CNTLN: variants seen among roughly 807,000 people sequenced by gnomAD.
CNTLN encodes the protein centlein, centrosomal protein.
Under a neutral mutation model 180.0 loss-of-function variants are expected in CNTLN, and 212 were observed. The ratio of observed to expected loss-of-function variants is 1.18; its 90% CI spans 1.05 to 1.32. The LOEUF is 1.32. Ranked by LOEUF, CNTLN falls within the 40% of genes most tolerant of loss-of-function variation. The pLI is 0.00. For missense variants in CNTLN, 2,095 were observed against 1,610.9 expected (o/e 1.30, Z -5.14); for synonymous variants, 722 against 563.1 (o/e 1.28, Z -3.99).
At chr9:17,383,038 T>C (rs1564054313) in intron 13 of CNTLN, among the ~76,000 whole-genome samples, 3 of 152,228 alleles carry the variant, frequency 2.0e-5, no homozygotes, top group South Asian at 2.1e-4. Flanking sequence ...TCTTTAACAA[T>C]AGAACTGAGG....
chr9:17,142,396 G>C (rs1378596844), intron 1 of CNTLN, among the ~76,000 whole-genome samples: 1 of 152,142 alleles, frequency 6.6e-6, no homozygotes, highest in African/African-American at 2.4e-5. Flanking sequence ...TGAATAGATG[G>C]CAGTATCAAT....
Position 17,390,235 on chromosome 9 carries a change from C to CTTTTTTTTTTT in CNTLN, c.2079+1993_2079+2003dup, listed in dbSNP as rs35329298. The stretch of plus-strand genomic sequence containing the variant: ...TGTATTTCAGTTTTGAAAAGAGCCT[C>CTTTTTTTTTTT]TTTTTTTTTTTTTTTTTTTTTGGAG... On this transcript the variant is annotated intron_variant, in intron 14 of 25. Coordinates refer to ENST00000380647, the MANE Select transcript of CNTLN (RefSeq NM_017738.4). Among the ~76,000 whole-genome samples the CTTTTTTTTTTT allele has an allele frequency of 6.3e-4, 49 of 77,408 alleles. 4 individuals are homozygous for CTTTTTTTTTTT. The highest frequency in any genetic ancestry group is 2.1e-3 in the African/African-American group (44 of 20,578). 50.8% of individuals were successfully genotyped at this position (77,408 alleles called of 152,430 possible). A position where few individuals can be genotyped will look rare whatever the true frequency, so the allele number is the denominator to read the frequency against.
chr9:17,374,928 A>C (rs1824630547), intron 13 of CNTLN, among the ~76,000 whole-genome samples: 1 of 152,090 alleles, frequency 6.6e-6, no homozygotes, highest in African/African-American at 2.4e-5. Flanking sequence ...TTATATACCC[A>C]AAAGAAAGGA....
At chr9:17,451,088 G>T (rs1320307021) in intron 18 of CNTLN, among the ~76,000 whole-genome samples, 3 of 152,046 alleles carry the variant, frequency 2.0e-5, no homozygotes. Flanking sequence ...ACAGCATGCA[G>T]AATTTTATTT....
At chr9:17,485,960 T>G (rs545474735) in intron 24 of CNTLN, among the ~76,000 whole-genome samples, 1 of 152,258 alleles carries the variant, frequency 6.6e-6, no homozygotes, top group East Asian at 1.9e-4. Flanking sequence ...GTGACACCTC[T>G]GCCTCTGGGC....
At chr9:17,257,367 A>G (rs866688128) in intron 5 of CNTLN, among the ~76,000 whole-genome samples, 1,836 of 152,174 alleles carry the variant, frequency 0.012, 36 homozygotes, top group African/African-American at 0.042. Context: ...TTCTTAATCC[A>G]GTCTATCATT....
chr9:17,513,422 G>C, the CNTLN span, among the ~76,000 whole-genome samples: 1 of 152,136 alleles, frequency 6.6e-6, no homozygotes, highest in African/African-American at 2.4e-5. Flanking sequence ...CATGCTGGGT[G>C]CAGTGGCTCA....
chr9:17,237,396 CA>C (rs1563910352), intron 5 of CNTLN, among the ~76,000 whole-genome samples: 17 of 145,498 alleles, frequency 1.2e-4, no homozygotes, highest in African/African-American at 4.4e-4. Flanking sequence ...CACACACACA[CA>C]CACACACACG....
At chr9:17,511,116 C>A in the CNTLN span, among the ~76,000 whole-genome samples, 1 of 152,130 alleles carries the variant, frequency 6.6e-6, no homozygotes, top group South Asian at 2.1e-4. Flanking sequence ...TCCAGCTCCA[C>A]CATTCTCACC....
intron 13 of CNTLN, among the ~76,000 whole-genome samples, chr9:17,371,503 C>T (rs1439165672): frequency 1.3e-5 from 2 of 152,020 alleles, no homozygotes; most frequent in East Asian, 1.9e-4. Context: ...AAATGTAGAC[C>T]CTAATTCAAT....
chr9:17,505,524 C>A (rs755705848), downstream of CNTLN, among the ~76,000 whole-genome samples: 12 of 152,012 alleles, frequency 7.9e-5, no homozygotes, highest in Non-Finnish European at 1.2e-4. Flanking sequence ...ATTAAAAATA[C>A]AATACAATGT....
chr9:17,489,155 T>C (rs1479183537), intron 25 of CNTLN, among the ~76,000 whole-genome samples: 2 of 152,136 alleles, frequency 1.3e-5, no homozygotes, highest in Non-Finnish European at 2.9e-5. Flanking sequence ...TAGCCTACTT[T>C]TCTTCTCTCT....
intron 2 of CNTLN, among the ~76,000 whole-genome samples, chr9:17,186,343 G>A (rs1033716074): frequency 2.0e-5 from 3 of 152,126 alleles, no homozygotes; most frequent in Admixed American, 2.0e-4. Flanking sequence ...TAGTTGTCAT[G>A]TTAAAAGAAT....
At position 17,203,657 on chromosome 9, in the gene CNTLN, C is replaced by T. The variant is rs370130272; in HGVS notation, c.450-22546C>T. On this transcript the variant is annotated intron_variant, in intron 2 of 25. Transcript: ENST00000380647. ...CTGCAAGCTCCACCTCCCGTGTTCA[C>T]GCCATTCTCCTGCCTCAGCCTCCTG... 7.9e-4 allele frequency among the ~76,000 whole-genome samples: 120 copies of T among 152,182 alleles called. 2 individuals are homozygous for T. In the South Asian group the frequency reaches 0.022, roughly 28 times the overall value.
intron 13 of CNTLN, among the ~76,000 whole-genome samples, chr9:17,387,022 T>C (rs1249117250): frequency 1.3e-5 from 2 of 152,218 alleles, no homozygotes; most frequent in Non-Finnish European, 2.9e-5. Flanking sequence ...GGTGGCAAAT[T>C]CTACCTATCC....
At chr9:17,489,243 T>G (rs1564147897) in intron 25 of CNTLN, among the ~76,000 whole-genome samples, 1 of 152,140 alleles carries the variant, frequency 6.6e-6, no homozygotes, top group Non-Finnish European at 1.5e-5. Context: ...GAGTCTGAGT[T>G]ACACTCACAG....
At chr9:17,414,120 C>G (rs991227961) in intron 16 of CNTLN, among the ~76,000 whole-genome samples, 3 of 152,162 alleles carry the variant, frequency 2.0e-5, no homozygotes, top group Non-Finnish European at 4.4e-5. Context: ...TTCTTTCTTG[C>G]CTTCTGCATT....
At chr9:17,464,164 C>G (rs1213236116) in intron 20 of CNTLN, among the ~76,000 whole-genome samples, 2 of 151,162 alleles carry the variant, frequency 1.3e-5, no homozygotes, top group East Asian at 3.9e-4. Context: ...TCATATATCA[C>G]TTTGATTTTT....
intron 18 of CNTLN, among the ~76,000 whole-genome samples, chr9:17,446,147 A>G (rs1337799686): frequency 6.6e-6 from 1 of 152,164 alleles, no homozygotes; most frequent in Non-Finnish European, 1.5e-5. Flanking sequence ...ACACCCACGA[A>G]TGATGAATAA....
Sources: allele counts gnomAD v4.1 joint callset (sites outside exome capture counted in the v4.1 genomes callset), GRCh38; gene constraint gnomAD v4.1.1; transcripts MANE v1.5; gene names NCBI Gene and HGNC (gene_info 2026-07-23, HGNC 2026-07-21).